ITGBL1: variants seen among roughly 807,000 people sequenced by gnomAD.
ITGBL1 encodes integrin beta-like protein 1.
In ITGBL1, 51 loss-of-function variants were observed where a neutral mutation model predicts 68.5. The ratio of observed to expected loss-of-function variants is 0.74; its 90% CI spans 0.59 to 0.94. The LOEUF (loss-of-function observed/expected upper bound fraction) is 0.94. Among genes scored for constraint, ITGBL1 ranks in the 40% least tolerant of loss-of-function variants. The probability of loss-of-function intolerance (pLI) is 0.00; values close to 1 mark genes in which losing one functional copy is unlikely to be tolerated. For synonymous variants in ITGBL1, 209 were observed against 227.3 expected (o/e 0.92, Z 0.72); for missense variants, 649 against 647.4 (o/e 1.00, Z -0.03).
chr13:101,502,855 C>T (rs1335592), intron 2 of ITGBL1, among the ~76,000 whole-genome samples: 64,366 of 152,018 alleles, frequency 0.42, 14,962 homozygotes, highest in Non-Finnish European at 0.52. Flanking sequence ...TTTCTTTCTA[C>T]ATCAGTCATT....
chr13:101,714,710 C>T, intron 10 of ITGBL1, 159 bp downstream of exon 10: 1 of 604,562 alleles, frequency 1.7e-6, no homozygotes, highest in Non-Finnish European at 3.0e-6. Flanking sequence ...AAAGCCCTCA[C>T]AAAAGCCTCA....
At chr13:101,540,485 G>A (rs2049675115) in intron 2 of ITGBL1, among the ~76,000 whole-genome samples, 2 of 152,126 alleles carry the variant, frequency 1.3e-5, no homozygotes, top group Admixed American at 6.5e-5. Flanking sequence ...GTCAGGTAGT[G>A]TGATGCCTCC....
intron 7 of ITGBL1, among the ~76,000 whole-genome samples, chr13:101,600,969 G>A (rs944855834): frequency 6.6e-6 from 1 of 152,180 alleles, no homozygotes; most frequent in African/African-American, 2.4e-5. Flanking sequence ...AGTTAGGGAG[G>A]ATTCCCTCTT....
intron 2 of ITGBL1, among the ~76,000 whole-genome samples, chr13:101,503,499 A>G: frequency 6.6e-6 from 1 of 152,182 alleles, no homozygotes; most frequent in East Asian, 1.9e-4. Context: ...AAGGGCCCCC[A>G]GGTGGGCCAG....
chr13:101,582,999 C>T (rs1329260814), intron 5 of ITGBL1, among the ~76,000 whole-genome samples: 2 of 152,114 alleles, frequency 1.3e-5, no homozygotes, highest in Non-Finnish European at 2.9e-5. Flanking sequence ...CACATTCCAC[C>T]AACTCACATA....
At chr13:101,675,677 A>G (rs1428116112) in intron 7 of ITGBL1, among the ~76,000 whole-genome samples, 1 of 152,202 alleles carries the variant, frequency 6.6e-6, no homozygotes, top group Non-Finnish European at 1.5e-5. Context: ...TAGGACTTCA[A>G]CATATAAATT....
chr13:101,496,434 A>G (rs9805708), intron 2 of ITGBL1, among the ~76,000 whole-genome samples: 38 of 152,298 alleles, frequency 2.5e-4, no homozygotes, highest in African/African-American at 8.9e-4. Flanking sequence ...TTCTGGTTCT[A>G]TGATTTTAAT....
intron 7 of ITGBL1, among the ~76,000 whole-genome samples, chr13:101,687,232 A>G (rs2139541807): frequency 6.6e-6 from 1 of 152,108 alleles, no homozygotes; most frequent in Admixed American, 6.6e-5. Context: ...CTAATCGTGT[A>G]TTTCATACGA....
chr13:101,609,998 A>C (rs2139364398), intron 7 of ITGBL1, among the ~76,000 whole-genome samples: 1 of 152,268 alleles, frequency 6.6e-6, no homozygotes, highest in South Asian at 2.1e-4. Flanking sequence ...TTCCTAGTAA[A>C]GACTGCAACC....
At chr13:101,507,794 A>G (rs2049049799) in intron 2 of ITGBL1, among the ~76,000 whole-genome samples, 1 of 152,188 alleles carries the variant, frequency 6.6e-6, no homozygotes. Flanking sequence ...CTGAAGGAAG[A>G]GATTTCAAGA....
intron 7 of ITGBL1, among the ~76,000 whole-genome samples, chr13:101,663,728 G>C (rs2033144443): frequency 6.6e-6 from 1 of 152,134 alleles, no homozygotes; most frequent in Non-Finnish European, 1.5e-5. Context: ...CTAATTAATT[G>C]TCTCCAGGAA....
chr13:101,491,272 C>G (rs554972040), intron 2 of ITGBL1, among the ~76,000 whole-genome samples: 1 of 152,310 alleles, frequency 6.6e-6, no homozygotes, highest in South Asian at 2.1e-4. Flanking sequence ...AGTTCTAGCA[C>G]TGTCTTAAGA....
At chr13:101,719,490 C>T (rs1050153915), downstream of ITGBL1, 7 of 152,080 alleles carry the variant, frequency 4.6e-5, no homozygotes, top group Non-Finnish European at 8.8e-5. Flanking sequence ...CCATTTTGCT[C>T]TTTACATAGG....
At chr13:101,708,823 C>T (rs2034320968) in intron 9 of ITGBL1, among the ~76,000 whole-genome samples, 2 of 152,224 alleles carry the variant, frequency 1.3e-5, no homozygotes, top group African/African-American at 4.8e-5. Flanking sequence ...GCCATGCCAT[C>T]AACCTAATGT....
intron 2 of ITGBL1, among the ~76,000 whole-genome samples, chr13:101,515,457 C>T (rs1319920960): frequency 6.6e-6 from 1 of 151,982 alleles, no homozygotes; most frequent in Non-Finnish European, 1.5e-5. Context: ...AGAATTGCTT[C>T]GTTGGTGAGT....
At chr13:101,582,479 C>A (rs1389041183) in intron 5 of ITGBL1, among the ~76,000 whole-genome samples, 1 of 152,126 alleles carries the variant, frequency 6.6e-6, no homozygotes, top group African/African-American at 2.4e-5. Flanking sequence ...ACTGATAATC[C>A]ACACAGAGTA....
intron 7 of ITGBL1, among the ~76,000 whole-genome samples, chr13:101,615,628 C>G (rs1225213278): frequency 6.6e-6 from 1 of 151,876 alleles, no homozygotes; most frequent in East Asian, 1.9e-4. Context: ...GAATGGTGCT[C>G]TTACAAAAGA....
chr13:101,467,351 A>G (rs2048396196), intron 2 of ITGBL1, among the ~76,000 whole-genome samples: 1 of 152,204 alleles, frequency 6.6e-6, no homozygotes, highest in African/African-American at 2.4e-5. Flanking sequence ...AGTCACATCT[A>G]AGAAGGTGGA....
chr13:101,598,557 G>C (rs866347672), intron 7 of ITGBL1, among the ~76,000 whole-genome samples: 35 of 152,044 alleles, frequency 2.3e-4, no homozygotes, highest in African/African-American at 7.2e-4. Context: ...TTAGCATTAG[G>C]TATATCTCCT....
Sources: allele counts gnomAD v4.1 joint callset (sites outside exome capture counted in the v4.1 genomes callset), GRCh38; gene constraint gnomAD v4.1.1; transcripts MANE v1.5; gene names NCBI Gene and HGNC (gene_info 2026-07-23, HGNC 2026-07-21).